Variants in TGM6 observed in about 807,000 individuals in gnomAD.
TGM6 encodes transglutaminase 6.
TGM6 carries 74 observed loss-of-function variants against 77.5 expected under a neutral mutation model. The ratio of observed to expected loss-of-function variants is 0.96; its 90% confidence interval spans 0.79 to 1.16. The LOEUF (loss-of-function observed/expected upper bound fraction) is 1.16, where lower values mean the gene tolerates loss of function less well. Among genes scored for constraint, TGM6 ranks in the 50% most tolerant of loss-of-function variants. The probability of loss-of-function intolerance (pLI) is 0.00; values close to 1 mark genes in which losing one functional copy is unlikely to be tolerated. For missense variants in TGM6, 968 were observed against 940.2 expected, an observed-to-expected ratio of 1.03 and a Z score of -0.39; for synonymous variants, 383 against 378.9, an observed-to-expected ratio of 1.01 and a Z score of -0.12.
At chr20:2,401,212 A>C (rs2084707021) in intron 7 of TGM6, among the ~76,000 whole-genome samples, 1 of 151,812 alleles carries the variant, frequency 6.6e-6, no homozygotes, top group Non-Finnish European at 1.5e-5. Context: ...CGTCTCAAAA[A>C]AAAAAAAATT....
rs145029765 is a variant in TGM6 at position 2,403,675 on chromosome 20, C to T, written c.1188C>T (p.Asn396=). ...GCCCCTTCGTGTTTGCGGAGGTCAA[C>T]GCCGACTACATCACCTGGCTGTGGC... ...HDGPFVFAEV[N]ADYITWLWHE... The change falls in exon 9 of 13, where the codon AAC becomes AAT. Residue 396 remains asparagine (N), a synonymous_variant. Coordinates refer to ENST00000202625, the MANE Select transcript of TGM6 (RefSeq NM_198994.3). 30 of 1,614,088 alleles carry T rather than the reference C, an allele frequency of 1.9e-5. No homozygotes were observed. Among genetic ancestry groups the T allele is most frequent in the African/African-American group, 8.0e-5 (6 of 74,934 alleles).
rs201331865 is a variant in TGM6, at chr20:2,399,632, G to C, written c.744G>C (p.Pro248=). 1 of 1,613,344 alleles carries C rather than the reference G, an allele frequency of 6.2e-7. No individual in the cohort carries two copies. The highest frequency in any genetic ancestry group is 8.5e-7 in the Non-Finnish European group (1 of 1,179,992). ...WQGKYGGGTS[P]LHWRGSVAIL... Reference sequence around the variant, plus strand: ...GCAAGTACGGCGGCGGCACCAGCCCGCTGCACTGGCGCGGCAGCGTGGCCA... The same window carrying C: ...GCAAGTACGGCGGCGGCACCAGCCCCCTGCACTGGCGCGGCAGCGTGGCCA... Residue 248 remains proline, a synonymous_variant, in exon 6 of 13, where the codon CCG becomes CCC. Coordinates refer to ENST00000202625, the MANE Select transcript of TGM6 (RefSeq NM_198994.3).
At chr20:2,398,485 C>G (rs1568658061) in intron 5 of TGM6, among the ~76,000 whole-genome samples, 1 of 152,132 alleles carries the variant, frequency 6.6e-6, no homozygotes, top group Admixed American at 6.5e-5. Flanking sequence ...CCAGTCATCA[C>G]TCTTTCTACA....
chr20:2,404,746 T>C (rs2084738482), intron 9 of TGM6, among the ~76,000 whole-genome samples: 1 of 152,050 alleles, frequency 6.6e-6, no homozygotes, highest in Non-Finnish European at 1.5e-5. Flanking sequence ...GTTCAAGCAA[T>C]TCTCCTGCCT....
intron 7 of TGM6, among the ~76,000 whole-genome samples, chr20:2,402,978 C>T (rs1182128984): frequency 6.6e-6 from 1 of 152,164 alleles, no homozygotes; most frequent in Non-Finnish European, 1.5e-5. Flanking sequence ...TGAAGTCTCA[C>T]CTTCAATGTC....
At chr20:2,400,784 C>T (rs996381517) in intron 7 of TGM6, among the ~76,000 whole-genome samples, 5 of 152,110 alleles carry the variant, frequency 3.3e-5, no homozygotes, top group Admixed American at 6.5e-5. Context: ...CAGGCTCCTG[C>T]TTCCGTATCA....
chr20:2,424,229 C>T (rs969824466), intron 10 of TGM6, among the ~76,000 whole-genome samples: 1 of 152,206 alleles, frequency 6.6e-6, no homozygotes, highest in African/African-American at 2.4e-5. Flanking sequence ...TTCTGTCCCG[C>T]TATGAAAGTC....
intron 9 of TGM6, among the ~76,000 whole-genome samples, chr20:2,411,550 A>G (rs2084784119): frequency 6.6e-6 from 1 of 152,234 alleles, no homozygotes; most frequent in Admixed American, 6.5e-5. Context: ...GATACTTAAT[A>G]GTGAAACGTT....
chr20:2,416,986 A>G (rs2084820580), intron 9 of TGM6, among the ~76,000 whole-genome samples: 1 of 152,212 alleles, frequency 6.6e-6, no homozygotes, highest in African/African-American at 2.4e-5. Flanking sequence ...GCAAATCTGC[A>G]AAAGTGCTAG....
At chr20:2,385,931 A>G (rs1446493075) in intron 1 of TGM6, among the ~76,000 whole-genome samples, 3 of 152,204 alleles carry the variant, frequency 2.0e-5, no homozygotes, top group Non-Finnish European at 4.4e-5. Flanking sequence ...AGTGAGGGAG[A>G]GACGTATGTA....
At chr20:2,388,006 A>C (rs2084607273) in intron 1 of TGM6, among the ~76,000 whole-genome samples, 1 of 152,192 alleles carries the variant, frequency 6.6e-6, no homozygotes, top group Non-Finnish European at 1.5e-5. Context: ...TTCTAAGAGC[A>C]AGCAACCCAA....
rs1452366712 is a variant in TGM6, at chr20:2,396,305, G to A, written c.425-201G>A. 3.3e-5 allele frequency among the ~76,000 whole-genome samples: 5 copies of A among 152,280 alleles called. No individual in the cohort carries two copies. In the East Asian group the frequency reaches 9.6e-4, roughly 29 times the overall value. On this transcript the variant is annotated intron_variant, in intron 3 of 12. Transcript: ENST00000202625. Reference sequence around the variant, plus strand: ...TTCCCATAAAACTCTTTTGGGATTGGTCCCTGCTTGGTTAAAGACTTGCCA... The same window carrying A: ...TTCCCATAAAACTCTTTTGGGATTGATCCCTGCTTGGTTAAAGACTTGCCA...
chr20:2,382,196 A>G (rs970665770), intron 1 of TGM6, among the ~76,000 whole-genome samples: 17 of 152,220 alleles, frequency 1.1e-4, no homozygotes, highest in Non-Finnish European at 4.4e-5. Flanking sequence ...CTTCCTCTTC[A>G]TATTTCCTCC....
In TGM6 at chr20:2,382,840, C is replaced by G. The variant is rs146820221; in HGVS notation, c.7+1865C>G. ...GACCCCAGAGCTCTTCCCTCTGGAG[C>G]CTGGATGTGGCCCCAGAATGCTCAA... is the stretch of plus-strand genomic sequence containing the variant. On this transcript the variant is annotated intron_variant, in intron 1 of 12. Coordinates refer to ENST00000202625, the MANE Select transcript of TGM6 (RefSeq NM_198994.3). Among the ~76,000 whole-genome samples the G allele has an allele frequency of 3.3e-3, 496 of 152,302 alleles. 4 individuals carry two copies. The highest frequency in any genetic ancestry group is 0.011 in the African/African-American group (472 of 41,548).
chr20:2,427,315 GT>G (rs2084894431), intron 10 of TGM6, among the ~76,000 whole-genome samples: 1 of 151,962 alleles, frequency 6.6e-6, no homozygotes, highest in East Asian at 1.9e-4. Flanking sequence ...TTTACTCTCT[GT>G]TTTTTTCCTA....
At chr20:2,397,774 G>C (rs974505409) in intron 4 of TGM6, 144 bp from the exon 5 acceptor site, 54 of 1,285,306 alleles carry the variant, frequency 4.2e-5, no homozygotes, top group Non-Finnish European at 5.9e-5. Flanking sequence ...AAGACTAGGG[G>C]GTGCTCTGTG....
At position 2,394,750 on chromosome 20, in the gene TGM6, C is replaced by T. The variant is rs774551118; in HGVS notation, c.181+125C>T. On this transcript the variant is annotated intron_variant, in intron 2 of 12. Coordinates refer to ENST00000202625, the MANE Select transcript of TGM6 (RefSeq NM_198994.3). ...GGGGAAGCAAGTCACTGTAGGTAGA[C>T]GGAGCCTTGAACCCTGGAGGCTTCT... 157 of 1,178,960 alleles carry T rather than the reference C, an allele frequency of 1.3e-4. No individual in the cohort carries two copies. The Middle Eastern group carries it at 1.3e-3, about 10-fold the overall frequency. 73.0% of individuals were successfully genotyped at this position (1,178,960 alleles called of 1,614,324 possible). A position where few individuals can be genotyped will look rare whatever the true frequency, so the allele number is the denominator to read the frequency against.
intron 1 of TGM6, among the ~76,000 whole-genome samples, chr20:2,391,016 C>T (rs1356919297): frequency 2.8e-5 from 4 of 144,154 alleles, no homozygotes; most frequent in East Asian, 3.9e-4. Context: ...GGGTCATTGT[C>T]GGGACTTCAA....
intron 10 of TGM6, among the ~76,000 whole-genome samples, chr20:2,429,501 T>C (rs6048902): frequency 0.22 from 33,559 of 149,206 alleles, 3,911 homozygotes; most frequent in Middle Eastern, 0.3. Flanking sequence ...CCAGGCATGG[T>C]GGCTCACACC....
Sources: allele counts gnomAD v4.1 joint callset (sites outside exome capture counted in the v4.1 genomes callset), GRCh38; gene constraint gnomAD v4.1.1; transcripts MANE v1.5; gene names NCBI Gene and HGNC (gene_info 2026-07-23, HGNC 2026-07-21).